CHGB: variants seen among roughly 807,000 people sequenced by gnomAD.
CHGB encodes secretogranin-1.
In CHGB, 46 loss-of-function variants were observed where a neutral mutation model predicts 69.9. The observed-to-expected ratio is 0.66, with a 90% CI of 0.52 to 0.84. The LOEUF is 0.84. CHGB is among the 40% of genes least tolerant of loss of function. The pLI, the probability that CHGB is intolerant of heterozygous loss-of-function variation, is 0.00. For synonymous variants in CHGB, 312 were observed against 298.2 expected (o/e 1.05, Z -0.48); for missense variants, 796 against 822.2 (o/e 0.97, Z 0.39).
At chr20:5,917,442 A>T (rs909466997) in intron 3 of CHGB, 1 of 159,184 alleles carries the variant, frequency 6.3e-6, no homozygotes, top group Non-Finnish European at 1.4e-5. Context: ...TGGCCTATTT[A>T]CACAACAAAT....
At chr20:5,917,209 A>G (rs2088480994) in intron 3 of CHGB, 1 of 395,526 alleles carries the variant, frequency 2.5e-6, no homozygotes, top group African/African-American at 2.0e-5. Context: ...TCCGTTCTTA[A>G]ATTCCTTAGT....
intron 3 of CHGB, among the ~76,000 whole-genome samples, chr20:5,921,825 C>A (rs1465712422): frequency 6.6e-6 from 1 of 152,186 alleles, no homozygotes; most frequent in African/African-American, 2.4e-5. Flanking sequence ...TTAAATCCTC[C>A]TTTGAATCTT....
Position 5,922,008 on chromosome 20 carries a change from A to T in CHGB, c.191-327A>T, listed in dbSNP as rs1464406424. Among the ~76,000 whole-genome samples, 3 of 152,204 alleles carry T rather than the reference A, an allele frequency of 2.0e-5. No homozygotes were observed. The East Asian group carries it at 5.8e-4, about 29-fold the overall frequency. ...GAAGAGGTTGGACTGGATTAGATGAATTCTAAGATGTTTCCTGCCTCTAAA... is the reference window on the plus strand; with the variant it reads ...GAAGAGGTTGGACTGGATTAGATGATTTCTAAGATGTTTCCTGCCTCTAAA... On this transcript the variant is annotated intron_variant, in intron 3 of 4. Coordinates refer to ENST00000378961, the MANE Select transcript of CHGB (RefSeq NM_001819.3).
chr20:5,923,600 CA>C lies in CHGB; in HGVS notation c.1457del (p.Gln486ArgfsTer33). On this transcript the variant is annotated frameshift_variant, in exon 4 of 5. Coordinates refer to ENST00000378961, the MANE Select transcript of CHGB (RefSeq NM_001819.3). LOFTEE classifies it high-confidence loss of function. Reference sequence around the variant, plus strand: ...AGGAGCCCCAGGGAAGTGGCAGCAGCAGGGAGACCTGCAGGACACTAAAGAA... The same window carrying C: ...AGGAGCCCCAGGGAAGTGGCAGCAGCGGGAGACCTGCAGGACACTAAAGAA... ...EEGAPGKWQQ[Q>X]GDLQDTKENR... 6.2e-7 allele frequency: 1 copy of C among 1,614,076 alleles called. No individual in the cohort carries two copies. The highest frequency in any genetic ancestry group is 8.5e-7 in the Non-Finnish European group (1 of 1,180,034).
rs758488287 is a variant in CHGB, at chr20:5,923,715, C to T, written c.1571C>T (p.Pro524Leu). 4 of 1,614,010 alleles carry T rather than the reference C, an allele frequency of 2.5e-6. No homozygotes were observed. The African/African-American group carries it at 4.0e-5, about 16-fold the overall frequency. Residue 524 changes from proline (P) to leucine (L), a missense_variant, in exon 4 of 5, where the codon CCA (proline) becomes CTA (leucine). By Grantham distance (98) the Pro-to-Leu change is moderately conservative (BLOSUM62 -3). Around this residue, in one of 3 missense-constraint regions of CHGB, gnomAD observed 274 missense variants for 298.9 expected, o/e 0.92. Coordinates refer to ENST00000378961, the MANE Select transcript of CHGB (RefSeq NM_001819.3). The stretch of plus-strand genomic sequence containing the variant: ...AAGAGATTAGGGGAACTGTTCAACC[C>T]ATACTACGACCCTCTCCAGTGGAAG... ...KRKRLGELFN[P>L]YYDPLQWKSS... is the part of the protein sequence containing the mutation.
chr20:5,919,378 G>C (rs1236134760), intron 3 of CHGB, among the ~76,000 whole-genome samples: 1 of 152,170 alleles, frequency 6.6e-6, no homozygotes, highest in Non-Finnish European at 1.5e-5. Context: ...AGATGGCGAA[G>C]GTTTAAGAGC....
chr20:5,924,936 C>T lies in CHGB; in HGVS notation c.1957-36C>T, dbSNP rs374786478. On this transcript the variant is annotated intron_variant, in intron 4 of 4. Coordinates refer to ENST00000378961, the MANE Select transcript of CHGB (RefSeq NM_001819.3). ...CAAACTACAGCAAAAGAAATTGGTT[C>T]GGGACCTCATGCCTCCACTTTTCTG... 66 of 1,361,822 alleles carry T rather than the reference C, an allele frequency of 4.8e-5. 1 individual carries two copies. The highest frequency in any genetic ancestry group is 3.6e-4 in the Middle Eastern group (2 of 5,580). 84.4% of individuals were successfully genotyped at this position (1,361,822 alleles called of 1,614,324 possible). A position where few individuals can be genotyped will look rare whatever the true frequency, so the allele number is the denominator to read the frequency against.
At chr20:5,913,628 C>CTTTTCTT (rs1289315671) in intron 1 of CHGB, among the ~76,000 whole-genome samples, 12 of 90,448 alleles carry the variant, frequency 1.3e-4, no homozygotes, top group African/African-American at 4.4e-4. Flanking sequence ...CTTTTCTTTT[C>CTTTTCTT]TTTTTTTTTT....
At position 5,923,209 on chromosome 20, in the gene CHGB, G is replaced by A. The variant is rs1187778152; in HGVS notation, c.1065G>A (p.Glu355=). 6.2e-7 allele frequency: 1 copy of A among 1,613,934 alleles called. No homozygotes were observed. Among genetic ancestry groups the A allele is most frequent in the South Asian group, 1.1e-5 (1 of 91,068 alleles). Reference sequence around the variant, plus strand: ...GTTATCCAGGCGTCCAGGCCCCTGAGGACCTGGAGTGGGAGCGCTATAGGG... The same window carrying A: ...GTTATCCAGGCGTCCAGGCCCCTGAAGACCTGGAGTGGGAGCGCTATAGGG... ...IKGYPGVQAP[E]DLEWERYRGR... The change falls in exon 4 of 5, where the codon GAG becomes GAA. Residue 355 remains glutamate (E), a synonymous_variant. Coordinates refer to ENST00000378961, the MANE Select transcript of CHGB (RefSeq NM_001819.3).
chr20:5,925,100 T>C lies in CHGB; in HGVS notation c.*51T>C. On this transcript the variant is annotated 3_prime_UTR_variant, in exon 5 of 5. Transcript: ENST00000378961. ...TAAGAAGCAGCCATCACATGATCTG[T>C]TTTTCACCACTTCACTGAAAGACAC... 1 of 1,241,826 alleles carries C rather than the reference T, an allele frequency of 8.1e-7. No homozygotes were observed. Among genetic ancestry groups the C allele is most frequent in the Non-Finnish European group, 1.2e-6 (1 of 860,744 alleles). 76.9% of individuals were successfully genotyped at this position (1,241,826 alleles called of 1,614,324 possible).
chr20:5,920,994 T>G (rs1041885258), intron 3 of CHGB, among the ~76,000 whole-genome samples: 2 of 152,210 alleles, frequency 1.3e-5, no homozygotes, highest in African/African-American at 4.8e-5. Flanking sequence ...AACTTATCAG[T>G]GCCACCCAAT....
intron 1 of CHGB, among the ~76,000 whole-genome samples, chr20:5,914,957 A>G (rs895776709): frequency 5.9e-5 from 9 of 152,254 alleles, no homozygotes; most frequent in Non-Finnish European, 1.2e-4. Flanking sequence ...AAAGAGGCTT[A>G]GAGCAAAGCA....
At chr20:5,916,960 T>TGACCAA in intron 3 of CHGB, 41 bp downstream of exon 3, 3 of 1,561,648 alleles carry the variant, frequency 1.9e-6, no homozygotes, top group South Asian at 1.1e-5. Flanking sequence ...GTCACTGCAG[T>TGACCAA]GATCCTTGTT....
At position 5,922,533 on chromosome 20, in the gene CHGB, G is replaced by T; in HGVS notation, c.389G>T (p.Ser130Ile). 3 of 1,612,920 alleles carry T rather than the reference G, an allele frequency of 1.9e-6. No individual in the cohort carries two copies. The highest frequency in any genetic ancestry group is 2.5e-6 in the Non-Finnish European group (3 of 1,179,276). The change falls in exon 4 of 5, where the codon AGC becomes ATC. Residue 130 changes from serine to isoleucine, a missense_variant. Transcript: ENST00000378961. ...AAATGGGCAGAGGGAGGCGGGCACAGCCGAGAGCGAGCGGATGAGCCCCAG... is the reference window on the plus strand; with the variant it reads ...AAATGGGCAGAGGGAGGCGGGCACATCCGAGAGCGAGCGGATGAGCCCCAG... Reference protein sequence around the residue: ...TEKWAEGGGHSRERADEPQWS... With the variant: ...TEKWAEGGGHIRERADEPQWS...
At chr20:5,924,861 T>G (rs1003722016) in intron 4 of CHGB, 111 bp from the exon 5 acceptor site, 6 of 622,056 alleles carry the variant, frequency 9.6e-6, no homozygotes, top group Non-Finnish European at 1.7e-5. Context: ...GTAGGTTGAC[T>G]AATGCAGCTT....
chr20:5,914,236 C>A (rs2088463124), intron 1 of CHGB, among the ~76,000 whole-genome samples: 1 of 152,190 alleles, frequency 6.6e-6, no homozygotes, highest in East Asian at 1.9e-4. Flanking sequence ...TTGGCTATTA[C>A]CTTGTTGTCA....
In CHGB at chr20:5,916,454, A is replaced by T. The variant is rs964813028; in HGVS notation, c.96+82A>T. On this transcript the variant is annotated intron_variant, in intron 2 of 4. Transcript: ENST00000378961. The stretch of plus-strand genomic sequence containing the variant: ...CAGTCCCTATTATACCAAACCAAAC[A>T]CACGCATGACATAATCTTACAAAGC... The T allele has an allele frequency of 1.1e-5, 13 of 1,158,114 alleles. No individual in the cohort carries two copies. In the African/African-American group the frequency reaches 1.8e-4, roughly 16 times the overall value. The allele number at this position is 1,158,114 out of a possible 1,614,324, so 71.7% of individuals were successfully genotyped here.
chr20:5,922,973 C>A lies in CHGB; in HGVS notation c.829C>A (p.Arg277=). ...AGATGCCACCTCTGAGGTGGACAAA[C>A]GACGCACGAGGCCCAGACACCACCA... ...EEDATSEVDK[R]RTRPRHHHGR... Residue 277 remains arginine (R), a synonymous_variant, in exon 4 of 5, where the codon CGA becomes AGA. Coordinates refer to ENST00000378961, the MANE Select transcript of CHGB (RefSeq NM_001819.3). 6.2e-7 allele frequency: 1 copy of A among 1,609,552 alleles called. No homozygotes were observed. The highest frequency in any genetic ancestry group is 8.5e-7 in the Non-Finnish European group (1 of 1,177,890).
At chr20:5,916,940 G>T in intron 3 of CHGB, 21 bp downstream of exon 3, 1 of 1,608,262 alleles carries the variant, frequency 6.2e-7, no homozygotes, top group Non-Finnish European at 8.5e-7. Flanking sequence ...CACACGGCAG[G>T]CAGATCTTGG....
Sources: allele counts gnomAD v4.1 joint callset (sites outside exome capture counted in the v4.1 genomes callset), GRCh38; gene constraint gnomAD v4.1.1; regional missense constraint gnomAD v4.1.1; transcripts MANE v1.5; gene names NCBI Gene and HGNC (gene_info 2026-07-23, HGNC 2026-07-21).